Variants in STX18 observed in about 807,000 individuals in gnomAD.
STX18 encodes the protein syntaxin 18.
STX18 carries 40 observed loss-of-function variants against 50.1 expected under a neutral mutation model. The ratio of observed to expected loss-of-function variants is 0.80; its 90% confidence interval spans 0.62 to 1.04. The LOEUF (loss-of-function observed/expected upper bound fraction) is 1.04, where lower values mean the gene tolerates loss of function less well. STX18 is among the 50% of genes least tolerant of loss of function. STX18 has a pLI of 0.00. For missense variants in STX18, 410 were observed against 415.8 expected, an observed-to-expected ratio of 0.99 and a Z score of 0.12; for synonymous variants, 158 against 151.8, an observed-to-expected ratio of 1.04 and a Z score of -0.30.
In STX18 at chr4:4,419,928, C is replaced by T; in HGVS notation, c.*106G>A. On this transcript the variant is annotated 3_prime_UTR_variant, in exon 11 of 11. Coordinates refer to ENST00000306200, the MANE Select transcript of STX18 (RefSeq NM_016930.4). ...TGAACTCCTTTCCCTTCAAATGGCA[C>T]TGTGATAAAATCTGGTCATACCATG... 2 of 914,780 alleles carry T rather than the reference C, an allele frequency of 2.2e-6. No homozygotes were observed. Among genetic ancestry groups the T allele is most frequent in the African/African-American group, 1.7e-5 (1 of 60,534 alleles). 56.7% of individuals were successfully genotyped at this position (914,780 alleles called of 1,614,324 possible). A position where few individuals can be genotyped will look rare whatever the true frequency, so the allele number is the denominator to read the frequency against.
intron 5 of STX18, among the ~76,000 whole-genome samples, chr4:4,445,207 G>T (rs939039824): frequency 6.6e-6 from 1 of 152,130 alleles, no homozygotes; most frequent in Admixed American, 6.5e-5. Context: ...AGGAGTTCAA[G>T]AACAGCCTGG....
At chr4:4,476,769 CA>C (rs1479889355) in intron 1 of STX18, among the ~76,000 whole-genome samples, 6 of 152,066 alleles carry the variant, frequency 3.9e-5, no homozygotes, top group South Asian at 2.1e-4. Flanking sequence ...CACAATAAGA[CA>C]GGGGGAGGTA....
chr4:4,540,602 C>A (rs548734247), intron 1 of STX18, among the ~76,000 whole-genome samples: 1 of 152,318 alleles, frequency 6.6e-6, no homozygotes, highest in African/African-American at 2.4e-5. Flanking sequence ...CTACACAACA[C>A]CTGCAAGGCT....
intron 7 of STX18, among the ~76,000 whole-genome samples, chr4:4,428,170 C>T (rs1025425307): frequency 6.6e-6 from 1 of 152,234 alleles, no homozygotes; most frequent in Admixed American, 6.5e-5. Flanking sequence ...AGGTGGCAGG[C>T]ATAGTGGTGG....
chr4:4,538,858 A>C (rs1731456795), intron 1 of STX18, among the ~76,000 whole-genome samples: 1 of 152,178 alleles, frequency 6.6e-6, no homozygotes, highest in Admixed American at 6.5e-5. Flanking sequence ...TTCCCATTGC[A>C]GAGTGACATA....
At chr4:4,524,126 C>A (rs925639391) in intron 1 of STX18, among the ~76,000 whole-genome samples, 2 of 152,192 alleles carry the variant, frequency 1.3e-5, no homozygotes, top group Non-Finnish European at 2.9e-5. Flanking sequence ...AGTTGTATGC[C>A]TGGCATATAG....
intron 1 of STX18, among the ~76,000 whole-genome samples, chr4:4,485,639 T>C (rs138975820): frequency 1.1e-3 from 165 of 152,216 alleles, no homozygotes; most frequent in African/African-American, 3.7e-3. Flanking sequence ...GAACGGCAGA[T>C]TCGCAAGCCC....
At chr4:4,478,059 T>A (rs752024760) in intron 1 of STX18, 1 of 152,216 alleles carries the variant, frequency 6.6e-6, no homozygotes, top group Non-Finnish European at 1.5e-5. Context: ...AGAATTGGCA[T>A]TGATCACAGA....
chr4:4,460,014 T>C (rs1050340175), intron 2 of STX18, among the ~76,000 whole-genome samples: 1 of 152,306 alleles, frequency 6.6e-6, no homozygotes. Context: ...CATGTTGCCC[T>C]CTTAATGAGG....
At chr4:4,482,088 C>T (rs549277463) in intron 1 of STX18, among the ~76,000 whole-genome samples, 11 of 152,284 alleles carry the variant, frequency 7.2e-5, no homozygotes, top group African/African-American at 2.4e-4. Flanking sequence ...TTCCAGAACA[C>T]CACTGTCTCT....
chr4:4,424,911 A>ATC (rs1270716154), intron 8 of STX18, among the ~76,000 whole-genome samples: 7 of 152,068 alleles, frequency 4.6e-5, no homozygotes, highest in Non-Finnish European at 8.8e-5. Flanking sequence ...TCACTCCTGT[A>ATC]TCTCTCGGGG....
At chr4:4,423,839 A>G (rs1039738768) in intron 8 of STX18, 17 of 526,832 alleles carry the variant, frequency 3.2e-5, no homozygotes, top group Non-Finnish European at 5.5e-5. Context: ...ACTGACCCTC[A>G]GTCCCAAGAG....
At chr4:4,508,660 G>A (rs551218154) in intron 1 of STX18, among the ~76,000 whole-genome samples, 1 of 152,220 alleles carries the variant, frequency 6.6e-6, no homozygotes, top group East Asian at 1.9e-4. Flanking sequence ...CATCACCTAG[G>A]TGTTAAGCCC....
chr4:4,436,811 C>A (rs1725803044), intron 6 of STX18, among the ~76,000 whole-genome samples: 1 of 152,214 alleles, frequency 6.6e-6, no homozygotes, highest in Non-Finnish European at 1.5e-5. Flanking sequence ...ATGGGCTTCA[C>A]TGATCCCCAC....
Position 4,434,873 on chromosome 4 carries a change from ATTG to A in STX18, c.614-18_614-16del. 1 of 1,584,182 alleles carries A rather than the reference ATTG, an allele frequency of 6.3e-7. No individual in the cohort carries two copies. The highest frequency in any genetic ancestry group is 8.6e-7 in the Non-Finnish European group (1 of 1,164,530). On this transcript the variant is annotated splice_polypyrimidine_tract_variant and intron_variant, in intron 6 of 10. Transcript: ENST00000306200. ...CAAAATTTTTTCTGTTAAAAAAAAA[ATTG>A]AAAATAGAAGACCAAATATGTGTTT... is the stretch of plus-strand genomic sequence containing the variant.
At chr4:4,506,381 A>C (rs992113325) in intron 1 of STX18, among the ~76,000 whole-genome samples, 1 of 152,278 alleles carries the variant, frequency 6.6e-6, no homozygotes, top group African/African-American at 2.4e-5. Flanking sequence ...TGATACACAC[A>C]CATCTAGAAT....
At chr4:4,429,184 TAAATGAAC>T (rs1725404490) in intron 7 of STX18, among the ~76,000 whole-genome samples, 1 of 152,170 alleles carries the variant, frequency 6.6e-6, no homozygotes, top group African/African-American at 2.4e-5. Context: ...ATGGGTTGCA[TAAATGAAC>T]ATATGCTGAA....
intron 1 of STX18, among the ~76,000 whole-genome samples, chr4:4,537,053 G>A (rs931479320): frequency 1.7e-4 from 26 of 152,338 alleles, no homozygotes; most frequent in African/African-American, 5.3e-4. Flanking sequence ...GTGCTCTTCA[G>A]TAGCCCCTGC....
intron 7 of STX18, among the ~76,000 whole-genome samples, chr4:4,427,126 CTG>C (rs1725285253): frequency 6.6e-6 from 1 of 152,220 alleles, no homozygotes; most frequent in Non-Finnish European, 1.5e-5. Flanking sequence ...CCTTTGGACA[CTG>C]AGCCCAGCCC....
Sources: allele counts gnomAD v4.1 joint callset (sites outside exome capture counted in the v4.1 genomes callset), GRCh38; gene constraint gnomAD v4.1.1; transcripts MANE v1.5; gene names NCBI Gene and HGNC (gene_info 2026-07-23, HGNC 2026-07-21).